Variants in SLC7A5 observed in about 807,000 individuals in gnomAD.
SLC7A5 encodes large neutral amino acids transporter small subunit 1.
A neutral mutation model predicts 50.2 loss-of-function variants in SLC7A5; 23 were observed. That is an observed-to-expected ratio of 0.46 (90% confidence interval 0.33 to 0.65). The LOEUF (loss-of-function observed/expected upper bound fraction) is 0.65, where lower values mean the gene tolerates loss of function less well. SLC7A5 is among the 30% of genes least tolerant of loss of function. The pLI is 0.02. For synonymous variants in SLC7A5, 393 were observed against 330.6 expected (o/e 1.19, Z -2.05); for missense variants, 578 against 684.4 (o/e 0.84, Z 1.73).
Position 87,839,762 on chromosome 16 carries a change from G to A in SLC7A5, c.879C>T (p.Asn293=), listed in dbSNP as rs774783441. The A allele has an allele frequency of 2.7e-5, 43 of 1,613,974 alleles. No homozygotes were observed. In the South Asian group the frequency reaches 4.2e-4, roughly 16 times the overall value. ...PIVTLVYVLT[N]LAYFTTLSTE... ...TGGACAGGGTGGTGAAGTAGGCCAG[G>A]TTGGTCAGCACGTACACCAGCGTCA... The change falls in exon 5 of 10, where the codon AAC becomes AAT. Residue 293 remains asparagine (N), a synonymous_variant. Transcript: ENST00000261622.
rs1457235646 is a variant in SLC7A5 at position 87,860,088 on chromosome 16, T to G, written c.539-8239A>C. On this transcript the variant is annotated intron_variant, in intron 1 of 9. Coordinates refer to ENST00000261622, the MANE Select transcript of SLC7A5 (RefSeq NM_003486.7). This position sits in a 1 kb window ranked among gnomAD's most constrained non-coding sequence, Gnocchi z 4.8. The stretch of plus-strand genomic sequence containing the variant: ...TGGCTCACACCTGTAATCCCAGCAC[T>G]TTGGGAAGCCAAGGTGGGCGGATCA... Among the ~76,000 whole-genome samples the G allele has an allele frequency of 2.0e-5, 3 of 152,004 alleles. No individual in the cohort carries two copies. The highest frequency in any genetic ancestry group is 4.4e-5 in the Non-Finnish European group (3 of 67,998).
At chr16:87,850,290 C>T (rs2055203756) in intron 2 of SLC7A5, among the ~76,000 whole-genome samples, 1 of 152,250 alleles carries the variant, frequency 6.6e-6, no homozygotes, top group Non-Finnish European at 1.5e-5. Context: ...CAGGGCCCCA[C>T]ACAGGAGGAG....
rs935642407 is a variant in SLC7A5 at position 87,852,468 on chromosome 16, C to T, written c.539-619G>A. 2.0e-5 allele frequency among the ~76,000 whole-genome samples: 3 copies of T among 152,232 alleles called. No individual in the cohort carries two copies. Among genetic ancestry groups the T allele is most frequent in the South Asian group, 2.1e-4 (1 of 4,816 alleles). On this transcript the variant is annotated intron_variant, in intron 1 of 9. Transcript: ENST00000261622. This position sits in a 1 kb window ranked among gnomAD's most constrained non-coding sequence, Gnocchi z 4.5. The stretch of plus-strand genomic sequence containing the variant: ...GCTGCCCTGCTGCTTTGGGGGCATA[C>T]GATGAAACCCAAAATAGCACCGTGT...
At chr16:87,847,913 G>C (rs1283041200) in intron 2 of SLC7A5, among the ~76,000 whole-genome samples, 2 of 152,178 alleles carry the variant, frequency 1.3e-5, no homozygotes, top group African/African-American at 4.8e-5. Context: ...TTACCGCCTG[G>C]GACACGGGAC....
intron 1 of SLC7A5, among the ~76,000 whole-genome samples, chr16:87,868,249 C>A (rs1318323143): frequency 1.3e-5 from 2 of 152,294 alleles, no homozygotes; most frequent in East Asian, 3.9e-4. Flanking sequence ...CCAGAGAAAC[C>A]TGGGACCCGC....
rs1367531950 is a variant in SLC7A5, at chr16:87,861,778, G to A, written c.538+7107C>T. The stretch of plus-strand genomic sequence containing the variant: ...GAGGTCTGTGACCCAAGAAAAAAGG[G>A]TCACAAGTGCCCGTTAGGCTCTCCT... On this transcript the variant is annotated intron_variant, in intron 1 of 9. Transcript: ENST00000261622. This position sits in a 1 kb window ranked among gnomAD's most constrained non-coding sequence, Gnocchi z 4.2. Among the ~76,000 whole-genome samples, 1 of 152,240 alleles carries A rather than the reference G, an allele frequency of 6.6e-6. No individual in the cohort carries two copies. Among genetic ancestry groups the A allele is most frequent in the Non-Finnish European group, 1.5e-5 (1 of 68,044 alleles).
rs113517335 is a variant in SLC7A5 at position 87,851,867 on chromosome 16, A to G, written c.539-18T>C. ...GAGCAGCACTGTGGAGACAGAGGGC[A>G]GCGGTGAGTTCCACGGGCAGACAGA... On this transcript the variant is annotated intron_variant, in intron 1 of 9. Transcript: ENST00000261622. 9.9e-4 allele frequency: 1,593 copies of G among 1,612,516 alleles called. 16 individuals carry two copies. In the African/African-American group the frequency reaches 0.019, roughly 19 times the overall value.
chr16:87,864,021 C>G (rs1398782285), intron 1 of SLC7A5, among the ~76,000 whole-genome samples: 4 of 41,054 alleles, frequency 9.7e-5, no homozygotes, highest in African/African-American at 2.5e-4. Flanking sequence ...GCCGAGTAGG[C>G]TGACTCACGC....
chr16:87,842,864 C>T (rs912209089), intron 2 of SLC7A5, among the ~76,000 whole-genome samples: 2 of 69,058 alleles, frequency 2.9e-5, no homozygotes, highest in Middle Eastern at 6.7e-3. Context: ...TTGCACAGCA[C>T]CTCGGCACAG....
At position 87,865,197 on chromosome 16, in the gene SLC7A5, C is replaced by T. The variant is rs545699138; in HGVS notation, c.538+3688G>A. On this transcript the variant is annotated intron_variant, in intron 1 of 9. Coordinates refer to ENST00000261622, the MANE Select transcript of SLC7A5 (RefSeq NM_003486.7). ...CTTTCTGTTACTGAAAATCACTTTCCAAAAAAAAAAGCAACACATACACAC... is the reference window on the plus strand; with the variant it reads ...CTTTCTGTTACTGAAAATCACTTTCTAAAAAAAAAAGCAACACATACACAC... 1.2e-3 allele frequency among the ~76,000 whole-genome samples: 172 copies of T among 145,146 alleles called. 1 individual carries two copies. The highest frequency in any genetic ancestry group is 4.0e-3 in the African/African-American group (157 of 39,602).
chr16:87,852,947 G>A lies in SLC7A5; in HGVS notation c.539-1098C>T, dbSNP rs1260196745. The stretch of plus-strand genomic sequence containing the variant: ...TCTGCTCACGAGGTTATCTGTCGCT[G>A]TCAGCAGCTTGAAATCTGCCAGTGG... On this transcript the variant is annotated intron_variant, in intron 1 of 9. Coordinates refer to ENST00000261622, the MANE Select transcript of SLC7A5 (RefSeq NM_003486.7). The surrounding 1 kb of genome is among the most constrained non-coding windows in gnomAD (Gnocchi z 4.5). 1.3e-5 allele frequency among the ~76,000 whole-genome samples: 2 copies of A among 152,288 alleles called. No homozygotes were observed. The highest frequency in any genetic ancestry group is 3.9e-4 in the East Asian group (2 of 5,176).
chr16:87,838,349 T>C (rs1392399352), intron 6 of SLC7A5, among the ~76,000 whole-genome samples: 1 of 147,086 alleles, frequency 6.8e-6, no homozygotes, highest in African/African-American at 2.6e-5. Context: ...TGGAGTGCAG[T>C]GGCACCATCT....
In SLC7A5 at chr16:87,833,391, C is replaced by T. The variant is rs1021755360; in HGVS notation, c.1469-366G>A. ...GTCCACACCCGGGCCACCACCTGGA[C>T]ACATGCCTGGACTGTTCACAGCAGG... On this transcript the variant is annotated intron_variant, in intron 9 of 9. Transcript: ENST00000261622. This position sits in a 1 kb window ranked among gnomAD's most constrained non-coding sequence, Gnocchi z 6.0. 6.6e-6 allele frequency among the ~76,000 whole-genome samples: 1 copy of T among 152,240 alleles called. No homozygotes were observed. Among genetic ancestry groups the T allele is most frequent in the Non-Finnish European group, 1.5e-5 (1 of 68,044 alleles).
chr16:87,850,990 C>A (rs1237121018), intron 2 of SLC7A5, among the ~76,000 whole-genome samples: 3 of 152,196 alleles, frequency 2.0e-5, no homozygotes, highest in Admixed American at 1.3e-4. Flanking sequence ...CACTCACTCT[C>A]TTTATTCCTT....
At chr16:87,835,722 C>G (rs935887503) in intron 8 of SLC7A5, among the ~76,000 whole-genome samples, 3 of 152,204 alleles carry the variant, frequency 2.0e-5, no homozygotes, top group Non-Finnish European at 4.4e-5. Context: ...GATCTGCCCG[C>G]CTCGGCCTCC....
In SLC7A5 at chr16:87,861,023, T is replaced by A. The variant is rs538047951; in HGVS notation, c.538+7862A>T. 6.6e-6 allele frequency among the ~76,000 whole-genome samples: 1 copy of A among 152,264 alleles called. No individual in the cohort carries two copies. The highest frequency in any genetic ancestry group is 2.1e-4 in the South Asian group (1 of 4,832). ...GGGAAGGAGACGCTGTGGGGGGCCC[T>A]CCTGTTGGAAAAGGGCAGCAGCGGG... On this transcript the variant is annotated intron_variant, in intron 1 of 9. Transcript: ENST00000261622. This position sits in a 1 kb window ranked among gnomAD's most constrained non-coding sequence, Gnocchi z 4.2.
In SLC7A5 at chr16:87,869,279, C is replaced by G. The variant is rs754592377; in HGVS notation, c.144G>C (p.Arg48=). 12 of 1,612,250 alleles carry G rather than the reference C, an allele frequency of 7.4e-6. No homozygotes were observed. The South Asian group carries it at 9.9e-5, about 13-fold the overall frequency. Residue 48 remains arginine (R), a synonymous_variant, in exon 1 of 10, where the codon CGG becomes CGC. Coordinates refer to ENST00000261622, the MANE Select transcript of SLC7A5 (RefSeq NM_003486.7). ...CCACGCCGTTGAGCAGCGTGATGTTCCGCTGCAGGGTCACGCCCTCGCCCT... is the reference window on the plus strand; with the variant it reads ...CCACGCCGTTGAGCAGCGTGATGTTGCGCTGCAGGGTCACGCCCTCGCCCT... The part of the protein sequence containing the change: ...AGEGEGVTLQ[R]NITLLNGVAI...
chr16:87,837,635 G>A (rs1017131716), intron 7 of SLC7A5: 13 of 564,868 alleles, frequency 2.3e-5, no homozygotes, highest in Middle Eastern at 4.7e-4. Context: ...GGTCTGAATC[G>A]TTTGTGGCAG....
Position 87,837,905 on chromosome 16 carries a change from G to T in SLC7A5, c.1080C>A (p.Pro360=). Residue 360 remains proline (P), a synonymous_variant, in exon 7 of 10, where the codon CCC becomes CCA. Transcript: ENST00000261622. ...GTGGGTGGATCATGGAGAGGATGGA[G>T]GGCAGGTGGCCTTCCCGGGACCCCA... is the stretch of plus-strand genomic sequence containing the variant. ...FFVGSREGHL[P]SILSMIHPQL... is the part of the protein sequence containing the mutation. The T allele has an allele frequency of 6.2e-7, 1 of 1,608,360 alleles. No individual in the cohort carries two copies. Among genetic ancestry groups the T allele is most frequent in the Non-Finnish European group, 8.5e-7 (1 of 1,178,404 alleles).
Sources: gnomAD v4.1 joint callset for allele counts (sites outside exome capture counted in the v4.1 genomes callset) on GRCh38, gnomAD v4.1.1 for gene constraint, Gnocchi (gnomAD v3.1) non-coding constraint, MANE v1.5 for transcripts, NCBI Gene and HGNC (gene_info 2026-07-23, HGNC 2026-07-21) for gene names.